The following ANK2 variants were observed in gnomAD, a reference collection of about 807,000 sequenced individuals.
ANK2 encodes ankyrin 2, also known as ankyrin-2.
ANK2 carries 83 observed loss-of-function variants against 360.5 expected under a neutral mutation model. The observed-to-expected ratio is 0.23, with a 90% CI of 0.19 to 0.28. The LOEUF (loss-of-function observed/expected upper bound fraction) is 0.28, where lower values mean the gene tolerates loss of function less well. Among genes scored for constraint, ANK2 ranks in the 10% least tolerant of loss-of-function variants. ANK2 has a pLI of 1.00. For synonymous variants in ANK2, 1,740 were observed against 1,759.5 expected (o/e 0.99, Z 0.28); for missense variants, 4,201 against 4,795.7 (o/e 0.88, Z 3.66).
intron 2 of ANK2, among the ~76,000 whole-genome samples, chr4:112,910,215 C>A (rs2086646744): frequency 6.6e-6 from 1 of 152,176 alleles, no homozygotes; most frequent in South Asian, 2.1e-4. Context: ...CCCTCCTCAG[C>A]GTGAATCTGG....
the ANK2 span, among the ~76,000 whole-genome samples, chr4:112,791,319 A>G: frequency 5.3e-5 from 8 of 152,132 alleles, no homozygotes; most frequent in Non-Finnish European, 1.2e-4. Flanking sequence ...CTTGAGTCTG[A>G]AGGAGCAAGG....
At chr4:113,378,945 T>G (rs929888632) in intron 45 of ANK2, among the ~76,000 whole-genome samples, 2 of 151,946 alleles carry the variant, frequency 1.3e-5, no homozygotes, top group Non-Finnish European at 2.9e-5. Context: ...ACAATGGAAA[T>G]CCAAGTTACA....
intron 2 of ANK2, among the ~76,000 whole-genome samples, chr4:113,184,006 G>T (rs1422961417): frequency 6.7e-6 from 1 of 150,162 alleles, no homozygotes; most frequent in Non-Finnish European, 1.5e-5. Flanking sequence ...GCTCCCCCAA[G>T]TTCGGTGATT....
At chr4:112,923,554 A>C (rs1256278165) in intron 2 of ANK2, among the ~76,000 whole-genome samples, 1 of 152,104 alleles carries the variant, frequency 6.6e-6, no homozygotes, top group Non-Finnish European at 1.5e-5. Context: ...AGAAAGAAAG[A>C]CTGTCTTTTG....
chr4:112,969,952 TA>T (rs1285496520), intron 2 of ANK2, among the ~76,000 whole-genome samples: 1 of 152,190 alleles, frequency 6.6e-6, no homozygotes, highest in African/African-American at 2.4e-5. Flanking sequence ...TTGTTTTATG[TA>T]ACAATACTGT....
the ANK2 span, among the ~76,000 whole-genome samples, chr4:112,800,834 T>A: frequency 1.3e-5 from 2 of 152,158 alleles, no homozygotes; most frequent in East Asian, 3.8e-4. Flanking sequence ...TTTTGTATTT[T>A]TAGTAGAGAC....
At chr4:112,968,197 A>G (rs1288734703) in intron 2 of ANK2, among the ~76,000 whole-genome samples, 1 of 152,202 alleles carries the variant, frequency 6.6e-6, no homozygotes, top group African/African-American at 2.4e-5. Flanking sequence ...TGAGATCTGT[A>G]TTACTTACTG....
intron 4 of ANK2, among the ~76,000 whole-genome samples, chr4:113,227,643 A>T (rs1206705453): frequency 6.6e-6 from 1 of 152,156 alleles, no homozygotes; most frequent in Non-Finnish European, 1.5e-5. Flanking sequence ...GGCTGAGGAA[A>T]ATTCATCCAC....
At position 113,292,454 on chromosome 4, in the gene ANK2, T is replaced by G. The variant is rs1587403792; in HGVS notation, c.2316T>G (p.Gly772=). 1 of 1,611,540 alleles carries G rather than the reference T, an allele frequency of 6.2e-7. No homozygotes were observed. The highest frequency in any genetic ancestry group is 8.5e-7 in the Non-Finnish European group (1 of 1,178,878). The change falls in exon 21 of 46, where the codon GGT becomes GGG. Residue 772 remains glycine (G), a synonymous_variant. Coordinates refer to ENST00000357077, the MANE Select transcript of ANK2 (RefSeq NM_001148.6). ...YTPLHQAAQQ[G]HTHIINVLLQ... Reference sequence around the variant, plus strand: ...CTTTGCACCAGGCCGCTCAGCAGGGTCACACGCACATCATCAACGTCCTGC... The same window carrying G: ...CTTTGCACCAGGCCGCTCAGCAGGGGCACACGCACATCATCAACGTCCTGC...
intron 33 of ANK2, among the ~76,000 whole-genome samples, chr4:113,342,191 T>C (rs1007888281): frequency 1.3e-5 from 2 of 152,224 alleles, no homozygotes; most frequent in South Asian, 4.1e-4. Context: ...TCAAAGTATG[T>C]AAGTGACTGT....
At chr4:112,897,544 C>G (rs1246126729) in intron 1 of ANK2, among the ~76,000 whole-genome samples, 1 of 150,534 alleles carries the variant, frequency 6.6e-6, no homozygotes, top group Non-Finnish European at 1.5e-5. Context: ...TTAAAATTTC[C>G]TCATCTGTGA....
chr4:113,216,367 G>A (rs370632508), intron 4 of ANK2, among the ~76,000 whole-genome samples: 214 of 152,234 alleles, frequency 1.4e-3, no homozygotes, highest in Non-Finnish European at 2.5e-3. Context: ...ACTATATATT[G>A]ACATATCTCA....
intron 1 of ANK2, among the ~76,000 whole-genome samples, chr4:113,059,065 C>T (rs932185176): frequency 9.2e-5 from 14 of 152,134 alleles, no homozygotes; most frequent in African/African-American, 3.4e-4. Flanking sequence ...TCTGGGGCGT[C>T]TTTTATATGG....
At position 112,877,725 on chromosome 4, in the gene ANK2, A is replaced by G. The variant is rs80346487; in HGVS notation, c.-39-26730A>G. Among the ~76,000 whole-genome samples the G allele has an allele frequency of 8.1e-3, 1,214 of 150,274 alleles. 11 individuals carry two copies. Among genetic ancestry groups the G allele is most frequent in the African/African-American group, 0.028 (1,128 of 40,872 alleles). ...GCATAGGTTGCCCATCACAAAGCTGACTCAGAATCTACACTTCTCTTTTTT... is the reference window on the plus strand; with the variant it reads ...GCATAGGTTGCCCATCACAAAGCTGGCTCAGAATCTACACTTCTCTTTTTT... On this transcript the variant is annotated intron_variant, in intron 1 of 30. Transcript: ENST00000503271.
At chr4:112,756,514 T>C in the ANK2 span, among the ~76,000 whole-genome samples, 1 of 152,214 alleles carries the variant, frequency 6.6e-6, no homozygotes, top group Admixed American at 6.5e-5. Context: ...AGAATAGTAA[T>C]GTTTATCTGG....
chr4:113,160,952 C>T (rs1051136922), intron 1 of ANK2, among the ~76,000 whole-genome samples: 6 of 152,124 alleles, frequency 3.9e-5, no homozygotes, highest in Middle Eastern at 3.2e-3. Flanking sequence ...ACTCACAGGG[C>T]CCACTTAATA....
intron 1 of ANK2, among the ~76,000 whole-genome samples, chr4:112,820,909 A>T (rs1257984067): frequency 6.6e-6 from 1 of 151,436 alleles, no homozygotes; most frequent in Non-Finnish European, 1.5e-5. Context: ...GATAATTTTT[A>T]TTTATTTATT....
At chr4:113,341,243 G>A (rs1264380319) in intron 32 of ANK2, among the ~76,000 whole-genome samples, 1 of 152,150 alleles carries the variant, frequency 6.6e-6, no homozygotes, top group Non-Finnish European at 1.5e-5. Flanking sequence ...TTGTTGAAAA[G>A]AGTTTCAGGA....
chr4:112,971,766 G>T (rs1419059897), intron 2 of ANK2, among the ~76,000 whole-genome samples: 2 of 152,130 alleles, frequency 1.3e-5, no homozygotes, highest in Non-Finnish European at 2.9e-5. Flanking sequence ...CACACGCCAT[G>T]GTCCTCAAAA....
Sources: allele counts gnomAD v4.1 joint callset (sites outside exome capture counted in the v4.1 genomes callset), GRCh38; gene constraint gnomAD v4.1.1; transcripts MANE v1.5; gene names NCBI Gene and HGNC (gene_info 2026-07-23, HGNC 2026-07-21).